The following FAM13A variants were observed in gnomAD, a reference collection of about 807,000 sequenced individuals.
The protein encoded by FAM13A is family with sequence similarity 13 member A, also known as protein FAM13A.
FAM13A carries 76 observed loss-of-function variants against 129.6 expected under a neutral mutation model. That is an observed-to-expected ratio of 0.59 (90% CI 0.49 to 0.71). The LOEUF (loss-of-function observed/expected upper bound fraction) is 0.71. Ranked by LOEUF, FAM13A falls within the 30% of genes least tolerant of loss-of-function variation. The pLI is 0.00. For missense variants in FAM13A, 1,108 were observed against 1,249.3 expected (o/e 0.89, Z 1.70); for synonymous variants, 443 against 449.9 (o/e 0.98, Z 0.20).
At chr4:88,894,889 T>C (rs1350486652) in intron 6 of FAM13A, among the ~76,000 whole-genome samples, 5 of 152,236 alleles carry the variant, frequency 3.3e-5, no homozygotes, top group Non-Finnish European at 5.9e-5. Flanking sequence ...ATCAGTCATA[T>C]CCTTTAATTC....
chr4:88,822,246 C>T (rs899404297), intron 7 of FAM13A, among the ~76,000 whole-genome samples: 1 of 152,172 alleles, frequency 6.6e-6, no homozygotes, highest in Admixed American at 6.5e-5. Flanking sequence ...CTGAGGCCCT[C>T]TCCATGCCTA....
intron 4 of FAM13A, among the ~76,000 whole-genome samples, chr4:88,954,683 G>A (rs991181382): frequency 6.6e-6 from 1 of 152,020 alleles, no homozygotes; most frequent in Non-Finnish European, 1.5e-5. Flanking sequence ...TCAGGAGTTC[G>A]TCACCAGCCT....
chr4:88,887,446 A>C (rs763092623), intron 6 of FAM13A, among the ~76,000 whole-genome samples: 8 of 152,192 alleles, frequency 5.3e-5, no homozygotes, highest in Non-Finnish European at 1.0e-4. Context: ...TTGAAGCCAA[A>C]GAGCTTTCAT....
chr4:88,938,229 C>G lies in FAM13A; in HGVS notation c.618G>C (p.Gly206=), dbSNP rs943739525. ...GGTCCTGTTCCTTCATGCCTTCAAGCCCAGGTGGCACACTAGAAACAAGAA... is the reference window on the plus strand; with the variant it reads ...GGTCCTGTTCCTTCATGCCTTCAAGGCCAGGTGGCACACTAGAAACAAGAA... The part of the protein sequence containing the change: ...FGPNCFHVPP[G]LEGMKEQDLC... Residue 206 remains glycine (G), a synonymous_variant, in exon 5 of 24, where the codon GGG becomes GGC. Coordinates refer to ENST00000264344, the MANE Select transcript of FAM13A (RefSeq NM_014883.4). 1 of 1,606,186 alleles carries G rather than the reference C, an allele frequency of 6.2e-7. No homozygotes were observed. Among genetic ancestry groups the G allele is most frequent in the African/African-American group, 1.3e-5 (1 of 74,482 alleles).
intron 7 of FAM13A, among the ~76,000 whole-genome samples, chr4:88,834,926 C>A (rs1164448205): frequency 6.6e-6 from 1 of 152,120 alleles, no homozygotes; most frequent in Non-Finnish European, 1.5e-5. Flanking sequence ...CCCTTTCCCG[C>A]ATTTAAATTT....
chr4:88,835,369 GCA>G (rs1316184070), intron 7 of FAM13A, among the ~76,000 whole-genome samples: 1 of 152,080 alleles, frequency 6.6e-6, no homozygotes, highest in Non-Finnish European at 1.5e-5. Flanking sequence ...AGTCACAATT[GCA>G]AGTCACAAAG....
At chr4:88,892,618 A>C (rs1745543478) in intron 6 of FAM13A, among the ~76,000 whole-genome samples, 1 of 152,190 alleles carries the variant, frequency 6.6e-6, no homozygotes, top group Non-Finnish European at 1.5e-5. Flanking sequence ...CTGGCATTCT[A>C]AAATAATTAT....
intron 4 of FAM13A, chr4:88,990,724 T>A (rs1762825350): frequency 2.8e-6 from 1 of 362,004 alleles, no homozygotes; most frequent in Non-Finnish European, 4.9e-6. Flanking sequence ...AAATATAACT[T>A]ATTTCCAGAT....
At chr4:89,005,143 A>C (rs1047748098) in intron 3 of FAM13A, among the ~76,000 whole-genome samples, 10 of 152,026 alleles carry the variant, frequency 6.6e-5, no homozygotes, top group African/African-American at 2.4e-4. Context: ...TTTAGCTCCC[A>C]CTTATAAGTG....
intron 14 of FAM13A, among the ~76,000 whole-genome samples, chr4:88,754,657 T>A (rs1743270556): frequency 6.6e-6 from 1 of 152,194 alleles, no homozygotes; most frequent in Admixed American, 6.5e-5. Flanking sequence ...TGGAAGAATT[T>A]TAAAAAATTT....
intron 10 of FAM13A, among the ~76,000 whole-genome samples, chr4:88,785,353 A>G (rs1723754114): frequency 6.6e-6 from 1 of 152,134 alleles, no homozygotes; most frequent in Non-Finnish European, 1.5e-5. Flanking sequence ...AATTGTATAG[A>G]AGCATATACT....
intron 3 of FAM13A, among the ~76,000 whole-genome samples, chr4:89,009,307 T>C (rs1466435675): frequency 6.6e-6 from 1 of 152,226 alleles, no homozygotes; most frequent in Non-Finnish European, 1.5e-5. Context: ...TCTGTATTCT[T>C]GTACTGTAGA....
intron 3 of FAM13A, among the ~76,000 whole-genome samples, chr4:88,996,478 T>G (rs1012318153): frequency 6.6e-6 from 1 of 152,172 alleles, no homozygotes; most frequent in African/African-American, 2.4e-5. Flanking sequence ...GGAAGTTGTT[T>G]TATTCATTTA....
At chr4:89,000,318 T>C (rs1764089297) in intron 3 of FAM13A, among the ~76,000 whole-genome samples, 1 of 152,162 alleles carries the variant, frequency 6.6e-6, no homozygotes, top group East Asian at 1.9e-4. Context: ...ATATCGTATA[T>C]TCATACTATA....
rs76199226 is a variant in FAM13A, at chr4:88,954,330, T to A, written c.606-16089A>T. ...CCAGAGATGCATAGGAGAATGCTAC[T>A]GTCCAAAAAGAGTTAGAATACTTTT... On this transcript the variant is annotated intron_variant, in intron 4 of 23. Transcript: ENST00000264344. Among the ~76,000 whole-genome samples, 28 of 152,352 alleles carry A rather than the reference T, an allele frequency of 1.8e-4. No individual in the cohort carries two copies. The East Asian group carries it at 5.2e-3, about 28-fold the overall frequency.
chr4:88,922,158 C>A (rs1246637), intron 5 of FAM13A, among the ~76,000 whole-genome samples: 25,909 of 151,866 alleles, frequency 0.17, 2,375 homozygotes, highest in Non-Finnish European at 0.2. Context: ...AGAAAGTTAA[C>A]AAGGATACCC....
chr4:89,040,069 CCATAT>C (rs1327967929), intron 1 of FAM13A, among the ~76,000 whole-genome samples: 1 of 151,978 alleles, frequency 6.6e-6, no homozygotes, highest in Non-Finnish European at 1.5e-5. Context: ...AGGTATAATA[CCATAT>C]CATAACATCA....
chr4:89,003,301 A>G (rs944894162), intron 3 of FAM13A, among the ~76,000 whole-genome samples: 1 of 150,624 alleles, frequency 6.6e-6, no homozygotes, highest in Non-Finnish European at 1.5e-5. Flanking sequence ...AAAAAACTGC[A>G]TCAAGTTTAT....
intron 3 of FAM13A, among the ~76,000 whole-genome samples, chr4:89,020,041 A>G (rs1767031482): frequency 6.6e-6 from 1 of 152,026 alleles, no homozygotes; most frequent in Non-Finnish European, 1.5e-5. Flanking sequence ...CTTTGGCCCA[A>G]AAGCATCAGG....
Sources: gnomAD v4.1 joint callset for allele counts (sites outside exome capture counted in the v4.1 genomes callset) on GRCh38, gnomAD v4.1.1 for gene constraint, MANE v1.5 for transcripts, NCBI Gene and HGNC (gene_info 2026-07-23, HGNC 2026-07-21) for gene names.